VWDE: variants seen among roughly 807,000 people sequenced by gnomAD.
VWDE encodes von Willebrand factor D and EGF domain-containing protein.
A neutral mutation model predicts 178.4 loss-of-function variants in VWDE; 207 were observed. The ratio of observed to expected loss-of-function variants is 1.16; its 90% CI spans 1.04 to 1.30. VWDE has a LOEUF of 1.30. Among genes scored for constraint, VWDE ranks in the 50% most tolerant of loss-of-function variants. The probability of loss-of-function intolerance (pLI) is 0.00; values close to 1 mark genes in which losing one functional copy is unlikely to be tolerated. For synonymous variants in VWDE, 738 were observed against 651.4 expected, an observed-to-expected ratio of 1.13 and a Z score of -2.02; for missense variants, 2,287 against 1,901.3, an observed-to-expected ratio of 1.20 and a Z score of -3.77.
intron 1 of VWDE, 123 bp from the exon 2 acceptor site, chr7:12,393,901 G>C: frequency 2.7e-6 from 2 of 743,420 alleles, no homozygotes; most frequent in Non-Finnish European, 4.1e-6. Context: ...TGCACATAAA[G>C]ACCCTCTGAA....
At chr7:12,340,287 T>G in intron 24 of VWDE, 35 bp downstream of exon 24, 1 of 1,478,334 alleles carries the variant, frequency 6.8e-7, no homozygotes, top group Non-Finnish European at 9.2e-7. Flanking sequence ...TAACTTTCCA[T>G]TTGCCCTTTT....
chr7:12,372,361 A>C (rs1296511567), intron 10 of VWDE, among the ~76,000 whole-genome samples: 1 of 152,054 alleles, frequency 6.6e-6, no homozygotes, highest in Non-Finnish European at 1.5e-5. Context: ...ACTTCAGTAA[A>C]TATTATACAA....
Position 12,344,254 on chromosome 7 carries a change from C to A in VWDE, c.4019G>T (p.Cys1340Phe). 6.4e-7 allele frequency: 1 copy of A among 1,551,186 alleles called. No homozygotes were observed. Among genetic ancestry groups the A allele is most frequent in the South Asian group, 1.2e-5 (1 of 84,038 alleles). The change falls in exon 21 of 29, where the codon TGT becomes TTT. Residue 1340 changes from cysteine to phenylalanine, a missense_variant. Physicochemically the swap from Cys to Phe is radical, Grantham distance 205 (BLOSUM62 -2). Transcript: ENST00000275358. Reference protein sequence around the residue: ...CDPDCKNHGKCIKPNICQCLP... With the variant: ...CDPDCKNHGKFIKPNICQCLP... ...ACACTGACAAATGTTAGGCTTAATA[C>A]ATTTTCCATGGTTTTTGCAATCAGG...
At position 12,373,130 on chromosome 7, in the gene VWDE, A is replaced by C; in HGVS notation, c.1434T>G (p.Asn478Lys). ...CTCCTTCCTGGGCAACAAACCCACAATTACATGACACTGGATAGTGAAGGC... is the reference window on the plus strand; with the variant it reads ...CTCCTTCCTGGGCAACAAACCCACACTTACATGACACTGGATAGTGAAGGC... Reference protein sequence around the residue: ...CRSLHYPVSCNCGFVAQEGGD... With the variant: ...CRSLHYPVSCKCGFVAQEGGD... The change falls in exon 10 of 29, where the codon AAT (asparagine) becomes AAG (lysine). Residue 478 changes from asparagine (N) to lysine (K), a missense_variant. Coordinates refer to ENST00000275358, the MANE Select transcript of VWDE (RefSeq NM_001135924.3). 6.4e-7 allele frequency: 1 copy of C among 1,551,392 alleles called. No individual in the cohort carries two copies.
intron 22 of VWDE, 132 bp downstream of exon 22, chr7:12,342,951 C>T (rs1171271492): frequency 2.6e-5 from 14 of 529,048 alleles, no homozygotes; most frequent in South Asian, 7.6e-5. Context: ...TTTGTCCTTG[C>T]GATAGTTTAC....
At position 12,356,585 on chromosome 7, in the gene VWDE, G is replaced by C. The variant is rs145915179; in HGVS notation, c.3526-255C>G. 2.0e-3 allele frequency among the ~76,000 whole-genome samples: 302 copies of C among 152,120 alleles called. 1 individual carries two copies. Among genetic ancestry groups the C allele is most frequent in the African/African-American group, 7.0e-3 (292 of 41,506 alleles). ...AACTTTTCTAAAAAAAAAGTTACAA[G>C]ATGATCAATTTCTGTCATGCAAGTA... On this transcript the variant is annotated intron_variant, in intron 17 of 28. Transcript: ENST00000275358.
rs1367919010 is a variant in VWDE at position 12,383,587 on chromosome 7, G to A, written c.490C>T (p.Arg164Ter). 5.8e-6 allele frequency: 9 copies of A among 1,550,240 alleles called. No individual in the cohort carries two copies. The highest frequency in any genetic ancestry group is 1.4e-5 in the African/African-American group (1 of 72,970). The part of the protein sequence containing the change: ...GYCAEAISDA[R>*]LHPCGSDETE... ...TCATCAGAACCACATGGGTGTAATC[G>A]TGCATCAGAAATAGCTGCCAAGGGT... Residue 164 changes from arginine to a stop codon, truncating the protein, a stop_gained, in exon 4 of 29, where the codon CGA (arginine) becomes TGA (stop). Transcript: ENST00000275358. LOFTEE classifies it high-confidence loss of function.
At chr7:12,402,614 G>A (rs905702596) in intron 1 of VWDE, among the ~76,000 whole-genome samples, 4 of 152,054 alleles carry the variant, frequency 2.6e-5, no homozygotes, top group Non-Finnish European at 4.4e-5. Context: ...TAACTGTAAT[G>A]AACAGATATA....
At position 12,357,341 on chromosome 7, in the gene VWDE, G is replaced by C. The variant is rs1172291997; in HGVS notation, c.3449C>G (p.Thr1150Arg). 5 of 1,552,066 alleles carry C rather than the reference G, an allele frequency of 3.2e-6. No homozygotes were observed. The highest frequency in any genetic ancestry group is 4.4e-6 in the Non-Finnish European group (5 of 1,147,088). The change falls in exon 17 of 29, where the codon ACA becomes AGA. Residue 1150 changes from threonine to arginine, a missense_variant. Transcript: ENST00000275358. ...VSSAGLFMWK[T>R]DLLTTQQITV... ...AATTTGTTGGGTAGTTAGTAAATCTGTTTTCCACATAAAAAGCCCTGCAGA... is the reference window on the plus strand; with the variant it reads ...AATTTGTTGGGTAGTTAGTAAATCTCTTTTCCACATAAAAAGCCCTGCAGA...
At position 12,403,823 on chromosome 7, in the gene VWDE, G is replaced by C; in HGVS notation, c.-107C>G. 1 of 1,229,510 alleles carries C rather than the reference G, an allele frequency of 8.1e-7. No individual in the cohort carries two copies. Among genetic ancestry groups the C allele is most frequent in the African/African-American group, 1.5e-5 (1 of 66,982 alleles). The allele number at this position is 1,229,510 out of a possible 1,614,324, so 76.2% of individuals were successfully genotyped here. On this transcript the variant is annotated 5_prime_UTR_variant, in exon 1 of 29. Transcript: ENST00000275358. Reference sequence around the variant, plus strand: ...GGGCCTCCTTTCTTGGATTTTCTCAGTCTGTTGCTGCTTGGAACAGGGAAG... The same window carrying C: ...GGGCCTCCTTTCTTGGATTTTCTCACTCTGTTGCTGCTTGGAACAGGGAAG...
intron 9 of VWDE, among the ~76,000 whole-genome samples, chr7:12,373,462 A>G (rs1415359470): frequency 6.6e-6 from 1 of 152,004 alleles, no homozygotes; most frequent in African/African-American, 2.4e-5. Flanking sequence ...AGGCTGGCTC[A>G]ATGGTCTTCT....
chr7:12,334,878 A>G (rs1780928425), intron 27 of VWDE, among the ~76,000 whole-genome samples: 1 of 152,112 alleles, frequency 6.6e-6, no homozygotes, highest in Non-Finnish European at 1.5e-5. Context: ...TTTTTTTTCT[A>G]GCATTTTATC....
At chr7:12,367,163 A>G (rs1782904510) in intron 13 of VWDE, among the ~76,000 whole-genome samples, 194 bp downstream of exon 13, 1 of 152,074 alleles carries the variant, frequency 6.6e-6, no homozygotes, top group Non-Finnish European at 1.5e-5. Flanking sequence ...TTCAATAAAA[A>G]GTTTATAAGA....
chr7:12,398,833 G>A (rs1252080771), intron 1 of VWDE, among the ~76,000 whole-genome samples: 4 of 152,254 alleles, frequency 2.6e-5, no homozygotes, highest in East Asian at 3.9e-4. Context: ...ATAAGGGCAA[G>A]CTAAACATTG....
rs1206506488 is a variant in VWDE at position 12,383,611 on chromosome 7, G to A, written c.476-10C>T. 4 of 1,549,336 alleles carry A rather than the reference G, an allele frequency of 2.6e-6. No individual in the cohort carries two copies. The highest frequency in any genetic ancestry group is 2.0e-5 in the Admixed American group (1 of 50,952). On this transcript the variant is annotated splice_polypyrimidine_tract_variant and intron_variant, in intron 3 of 28. Transcript: ENST00000275358. ...CGTGCATCAGAAATAGCTGCCAAGG[G>A]TTAAGGTTTGTATAATTATTCAGCT...
intron 1 of VWDE, among the ~76,000 whole-genome samples, chr7:12,394,314 C>T (rs1243180736): frequency 8.2e-6 from 1 of 121,714 alleles, no homozygotes; most frequent in Non-Finnish European, 1.8e-5. Flanking sequence ...TGCAGAAAAA[C>T]ATTAAAAATT....
intron 19 of VWDE, 25 bp downstream of exon 19, chr7:12,351,548 G>A: frequency 6.6e-7 from 1 of 1,526,626 alleles, no homozygotes; most frequent in Middle Eastern, 1.7e-4. Flanking sequence ...CTTGTCATTA[G>A]ATTTTAACTA....
chr7:12,340,671 GT>G (rs1265894672), intron 23 of VWDE, among the ~76,000 whole-genome samples: 1 of 152,196 alleles, frequency 6.6e-6, no homozygotes, highest in African/African-American at 2.4e-5. Flanking sequence ...GGAATTTAAA[GT>G]GGCGGTGTTT....
intron 18 of VWDE, chr7:12,353,874 AC>A (rs1243766495): frequency 7.7e-5 from 4 of 52,098 alleles, no homozygotes; most frequent in African/African-American, 3.9e-4. Flanking sequence ...GGCACACTGA[AC>A]TATTCACAGT....
Sources: gnomAD v4.1 joint callset for allele counts (sites outside exome capture counted in the v4.1 genomes callset) on GRCh38, gnomAD v4.1.1 for gene constraint, MANE v1.5 for transcripts, NCBI Gene and HGNC (gene_info 2026-07-23, HGNC 2026-07-21) for gene names.